The following C2orf76 variants were observed in gnomAD, a reference collection of about 807,000 sequenced individuals.
C2orf76 encodes the protein UPF0538 protein C2orf76.
A neutral mutation model predicts 16.9 loss-of-function variants in C2orf76; 23 were observed. That is an observed-to-expected ratio of 1.36 (90% CI 0.98 to 1.93). C2orf76 has a LOEUF of 1.93. Among genes scored for constraint, C2orf76 ranks in the 30% most tolerant of loss-of-function variants. The pLI is 0.00. For missense variants in C2orf76, 152 were observed against 152.6 expected, an observed-to-expected ratio of 1.00 and a Z score of 0.02; for synonymous variants, 48 against 52.3, an observed-to-expected ratio of 0.92 and a Z score of 0.35.
chr2:119,362,981 GC>G (rs1680791937), intron 1 of C2orf76, among the ~76,000 whole-genome samples: 1 of 151,970 alleles, frequency 6.6e-6, no homozygotes, highest in Non-Finnish European at 1.5e-5. Context: ...CAGCTGCCAG[GC>G]CTCCTCTCAC....
At chr2:119,324,997 G>A (rs1353346083) in intron 2 of C2orf76, among the ~76,000 whole-genome samples, 1 of 152,082 alleles carries the variant, frequency 6.6e-6, no homozygotes, top group Non-Finnish European at 1.5e-5. Context: ...ATTCCACCTA[G>A]AAGTGGAATG....
chr2:119,321,877 G>A (rs1230495213), intron 2 of C2orf76, among the ~76,000 whole-genome samples: 1 of 148,754 alleles, frequency 6.7e-6, no homozygotes, highest in Non-Finnish European at 1.5e-5. Flanking sequence ...TATAGCTGAT[G>A]TTTGTTTAGC....
chr2:119,353,810 G>A (rs997477014), intron 1 of C2orf76, among the ~76,000 whole-genome samples: 10 of 152,012 alleles, frequency 6.6e-5, no homozygotes, highest in East Asian at 1.9e-4. Flanking sequence ...TGATCCGCCC[G>A]CCTCAACCTT....
chr2:119,325,876 G>A (rs924927033), intron 2 of C2orf76, among the ~76,000 whole-genome samples: 8 of 152,212 alleles, frequency 5.3e-5, no homozygotes, highest in Admixed American at 2.0e-4. Flanking sequence ...TGAAGTGTCC[G>A]TTCAAATATT....
chr2:119,359,728 G>A (rs1317410071), intron 1 of C2orf76, among the ~76,000 whole-genome samples: 2 of 152,154 alleles, frequency 1.3e-5, no homozygotes, highest in Non-Finnish European at 2.9e-5. Flanking sequence ...AAATGCCAGC[G>A]GATTAGGAGT....
At chr2:119,295,299 G>A in the C2orf76 span, among the ~76,000 whole-genome samples, 9 of 152,086 alleles carry the variant, frequency 5.9e-5, no homozygotes, top group East Asian at 1.9e-4. Context: ...TGCAGGTGTC[G>A]GCAACAAGGT....
chr2:119,363,971 T>C (rs1259091642), intron 1 of C2orf76, among the ~76,000 whole-genome samples: 2 of 151,936 alleles, frequency 1.3e-5, no homozygotes, highest in Admixed American at 6.6e-5. Context: ...TGAGCCATGA[T>C]TGTGCCACTG....
intron 4 of C2orf76, among the ~76,000 whole-genome samples, chr2:119,315,933 C>G (rs573387561): frequency 1.3e-5 from 2 of 152,276 alleles, no homozygotes; most frequent in South Asian, 4.1e-4. Flanking sequence ...ACATGATGAA[C>G]TATGTCTCCA....
intron 2 of C2orf76, among the ~76,000 whole-genome samples, chr2:119,336,075 C>G (rs1315688133): frequency 6.6e-6 from 1 of 151,916 alleles, no homozygotes; most frequent in Non-Finnish European, 1.5e-5. Flanking sequence ...ATTATGATAC[C>G]TCTATGATCA....
chr2:119,343,672 C>T (rs1680107790), intron 1 of C2orf76, among the ~76,000 whole-genome samples: 1 of 152,156 alleles, frequency 6.6e-6, no homozygotes, highest in Admixed American at 6.5e-5. Context: ...GTGGCACATG[C>T]CTGTAGTCCC....
chr2:119,345,701 G>A (rs948310983), intron 1 of C2orf76, among the ~76,000 whole-genome samples: 11 of 152,118 alleles, frequency 7.2e-5, no homozygotes, highest in South Asian at 2.1e-4. Context: ...GTATTTCAGC[G>A]TTATCAAATA....
intron 3 of C2orf76, among the ~76,000 whole-genome samples, chr2:119,319,630 G>C (rs570679624): frequency 2.6e-5 from 4 of 152,224 alleles, no homozygotes; most frequent in African/African-American, 9.6e-5. Flanking sequence ...AGGCGATAGG[G>C]ATTTAAGATA....
At chr2:119,285,166 C>T in the C2orf76 span, among the ~76,000 whole-genome samples, 1 of 152,072 alleles carries the variant, frequency 6.6e-6, no homozygotes, top group Non-Finnish European at 1.5e-5. Context: ...TATTCAAATC[C>T]AAATCATATG....
At chr2:119,321,437 G>A (rs1679338630) in intron 2 of C2orf76, among the ~76,000 whole-genome samples, 1 of 152,074 alleles carries the variant, frequency 6.6e-6, no homozygotes, top group Non-Finnish European at 1.5e-5. Context: ...ATGTTTAATG[G>A]ACTGGGGAGG....
At position 119,302,506 on chromosome 2, in the gene C2orf76, T is replaced by A. The variant is rs1052500; in HGVS notation, c.347A>T (p.Lys116Met). 6.6e-7 allele frequency: 1 copy of A among 1,508,310 alleles called. No individual in the cohort carries two copies. The highest frequency in any genetic ancestry group is 9.0e-7 in the Non-Finnish European group (1 of 1,108,332). 93.4% of individuals were successfully genotyped at this position (1,508,310 alleles called of 1,614,324 possible). The change falls in exon 6 of 6, where the codon AAG (lysine) becomes ATG (methionine). Residue 116 changes from lysine to methionine, a missense_variant. Coordinates refer to ENST00000334816, the MANE Select transcript of C2orf76 (RefSeq NM_001322331.2). ...TGAAATGGGATTAGCTTTGTAGTTC[T>A]TATAATCTTCTTCACAGAAGAATGC... ...EIAFFCEEDY[K>M]NYKANPISSW
chr2:119,338,081 A>G (rs1573659729), intron 2 of C2orf76, among the ~76,000 whole-genome samples: 1 of 152,320 alleles, frequency 6.6e-6, no homozygotes, highest in African/African-American at 2.4e-5. Context: ...TCAAACTCTG[A>G]CTATGCTTTG....
Position 119,302,550 on chromosome 2 carries a change from T to C in C2orf76, c.305-2A>G. 1 of 1,488,520 alleles carries C rather than the reference T, an allele frequency of 6.7e-7. No individual in the cohort carries two copies. The highest frequency in any genetic ancestry group is 9.1e-7 in the Non-Finnish European group (1 of 1,100,164). The allele number at this position is 1,488,520 out of a possible 1,614,324, so 92.2% of individuals were successfully genotyped here. A position where few individuals can be genotyped will look rare whatever the true frequency, so the allele number is the denominator to read the frequency against. The stretch of plus-strand genomic sequence containing the variant: ...AGAATGCAATTTCAGTTTCACTGGC[T>C]GAAAAAAAACAGAAAATGGAAAAAA... On this transcript the variant is annotated splice_acceptor_variant, in intron 5 of 5. Coordinates refer to ENST00000334816, the MANE Select transcript of C2orf76 (RefSeq NM_001322331.2). LOFTEE classifies it high-confidence loss of function.
chr2:119,281,529 G>A, the C2orf76 span, among the ~76,000 whole-genome samples: 2 of 152,146 alleles, frequency 1.3e-5, no homozygotes, highest in Non-Finnish European at 2.9e-5. Context: ...AAAAGAGAGA[G>A]AGAGAGAGAA....
At chr2:119,366,481 AG>A in intron 1 of C2orf76, 1 of 471,840 alleles carries the variant, frequency 2.1e-6, no homozygotes, top group South Asian at 1.5e-5. Context: ...TCGGGAGACC[AG>A]TCCAGCTTTC....
Sources: allele counts gnomAD v4.1 joint callset (sites outside exome capture counted in the v4.1 genomes callset), GRCh38; gene constraint gnomAD v4.1.1; transcripts MANE v1.5; gene names NCBI Gene and HGNC (gene_info 2026-07-23, HGNC 2026-07-21).